KIF16B: variants seen among roughly 807,000 people sequenced by gnomAD.
KIF16B encodes the protein kinesin-like protein KIF16B.
KIF16B carries 98 observed loss-of-function variants against 156.3 expected under a neutral mutation model. The observed-to-expected ratio is 0.63, with a 90% CI of 0.53 to 0.74. KIF16B has a LOEUF of 0.74. Among genes scored for constraint, KIF16B ranks in the 30% least tolerant of loss-of-function variants. The pLI is 0.00. For missense variants in KIF16B, 1,421 were observed against 1,606.5 expected (o/e 0.88, Z 1.97); for synonymous variants, 564 against 583.7 (o/e 0.97, Z 0.49).
intron 12 of KIF16B, among the ~76,000 whole-genome samples, chr20:16,468,836 A>C (rs1358259933): frequency 1.3e-5 from 2 of 152,180 alleles, no homozygotes; most frequent in Non-Finnish European, 2.9e-5. Flanking sequence ...ACTGTCAATT[A>C]AGGGAATCTG....
At chr20:16,567,824 C>A (rs1200312654) in intron 1 of KIF16B, among the ~76,000 whole-genome samples, 2 of 152,046 alleles carry the variant, frequency 1.3e-5, no homozygotes, top group Non-Finnish European at 2.9e-5. Flanking sequence ...TGGTGGCGGG[C>A]GCCTGTAGTC....
chr20:16,562,819 T>C (rs2071114966), intron 1 of KIF16B, among the ~76,000 whole-genome samples: 2 of 152,230 alleles, frequency 1.3e-5, no homozygotes, highest in South Asian at 2.1e-4. Flanking sequence ...AAGACGGGCA[T>C]ATGAGACAGA....
At chr20:16,444,772 T>C (rs2066889018) in intron 12 of KIF16B, among the ~76,000 whole-genome samples, 1 of 152,246 alleles carries the variant, frequency 6.6e-6, no homozygotes, top group African/African-American at 2.4e-5. Context: ...CATTCATTAG[T>C]TATTGCCAAC....
chr20:16,345,881 C>T (rs1298729007), intron 23 of KIF16B, among the ~76,000 whole-genome samples: 1 of 152,220 alleles, frequency 6.6e-6, no homozygotes, highest in Non-Finnish European at 1.5e-5. Flanking sequence ...AAGTTATTTG[C>T]TCTGAGATGT....
intron 17 of KIF16B, among the ~76,000 whole-genome samples, chr20:16,399,082 C>A (rs1324403383): frequency 6.6e-6 from 1 of 152,136 alleles, no homozygotes; most frequent in African/African-American, 2.4e-5. Flanking sequence ...GAGGTGCCAT[C>A]AATGCTTTTG....
intron 11 of KIF16B, among the ~76,000 whole-genome samples, chr20:16,494,844 T>G (rs1029764226): frequency 6.6e-6 from 1 of 152,202 alleles, no homozygotes; most frequent in African/African-American, 2.4e-5. Context: ...TATCTTTTTT[T>G]GTTGTTGATA....
chr20:16,305,192 G>A (rs2063524123), intron 25 of KIF16B, among the ~76,000 whole-genome samples: 1 of 151,942 alleles, frequency 6.6e-6, no homozygotes, highest in South Asian at 2.1e-4. Flanking sequence ...CAGCTAAGCT[G>A]TATTGTTCTC....
intron 12 of KIF16B, among the ~76,000 whole-genome samples, chr20:16,486,014 TATC>T (rs1247538591): frequency 6.6e-6 from 1 of 152,170 alleles, no homozygotes; most frequent in Non-Finnish European, 1.5e-5. Flanking sequence ...AAGCTTCAAA[TATC>T]AGAGATTCTG....
At position 16,379,939 on chromosome 20, in the gene KIF16B, T is replaced by C; in HGVS notation, c.2063A>G (p.Gln688Arg). Residue 688 changes from glutamine (Q) to arginine (R), a missense_variant, in exon 19 of 26, where the codon CAG becomes CGG. Coordinates refer to ENST00000354981, the MANE Select transcript of KIF16B (RefSeq NM_024704.5). ...TCTCTTCTTCTGCAGCTCGATTTCC[T>C]GCTGTTCCCTCAGCCTCTCCTCTTC... The part of the protein sequence containing the change: ...KFEEERLREQ[Q>R]EIELQKKRQE... 1.2e-6 allele frequency: 2 copies of C among 1,614,198 alleles called. No homozygotes were observed. Among genetic ancestry groups the C allele is most frequent in the South Asian group, 2.2e-5 (2 of 91,068 alleles).
chr20:16,302,163 T>C (rs958632801), intron 25 of KIF16B, among the ~76,000 whole-genome samples: 5 of 152,348 alleles, frequency 3.3e-5, no homozygotes, highest in Admixed American at 6.5e-5. Flanking sequence ...TTATGAATCA[T>C]GTCACTGGTG....
intron 6 of KIF16B, among the ~76,000 whole-genome samples, chr20:16,510,062 T>TA (rs2068908652): frequency 6.6e-6 from 1 of 152,228 alleles, no homozygotes; most frequent in South Asian, 2.1e-4. Flanking sequence ...CACAGCTTAA[T>TA]AATCCCTCTA....
At chr20:16,440,531 G>A (rs188607674) in intron 12 of KIF16B, among the ~76,000 whole-genome samples, 5 of 79,440 alleles carry the variant, frequency 6.3e-5, no homozygotes, top group Non-Finnish European at 1.2e-4. Flanking sequence ...ACACAAGCGC[G>A]CGCACACACA....
chr20:16,426,364 A>G (rs1177442433), intron 15 of KIF16B, among the ~76,000 whole-genome samples: 1 of 152,182 alleles, frequency 6.6e-6, no homozygotes, highest in Non-Finnish European at 1.5e-5. Flanking sequence ...CAAAACTGCC[A>G]AAGTCATAAA....
intron 1 of KIF16B, among the ~76,000 whole-genome samples, chr20:16,548,441 C>T (rs1220124599): frequency 2.0e-5 from 3 of 152,186 alleles, no homozygotes; most frequent in Non-Finnish European, 2.9e-5. Flanking sequence ...AGTAAGGAAC[C>T]GGGCCACACA....
chr20:16,308,382 A>G (rs1320291978), intron 25 of KIF16B, among the ~76,000 whole-genome samples: 1 of 152,234 alleles, frequency 6.6e-6, no homozygotes, highest in Non-Finnish European at 1.5e-5. Context: ...AAATAATTAG[A>G]CAGTGGATCT....
chr20:16,298,375 C>A (rs1284089586), intron 25 of KIF16B, among the ~76,000 whole-genome samples: 2 of 152,176 alleles, frequency 1.3e-5, no homozygotes, highest in Non-Finnish European at 2.9e-5. Context: ...GCAAGCTATA[C>A]GACTGACTGC....
At chr20:16,526,403 T>G (rs1016763336) in intron 2 of KIF16B, among the ~76,000 whole-genome samples, 198 bp from the exon 3 acceptor site, 1 of 152,212 alleles carries the variant, frequency 6.6e-6, no homozygotes, top group African/African-American at 2.4e-5. Context: ...AGAATACTAT[T>G]CTGACCTTTT....
chr20:16,374,781 A>G (rs1156888099), intron 19 of KIF16B, among the ~76,000 whole-genome samples: 1 of 152,228 alleles, frequency 6.6e-6, no homozygotes, highest in African/African-American at 2.4e-5. Flanking sequence ...GTAAATACTT[A>G]CGTTTGATGA....
intron 12 of KIF16B, among the ~76,000 whole-genome samples, chr20:16,448,056 T>C (rs2066982431): frequency 6.6e-6 from 1 of 152,174 alleles, no homozygotes; most frequent in African/African-American, 2.4e-5. Context: ...CCACTGCCAA[T>C]TGTTGGCAGA....
Sources: allele counts gnomAD v4.1 joint callset (sites outside exome capture counted in the v4.1 genomes callset), GRCh38; gene constraint gnomAD v4.1.1; transcripts MANE v1.5; gene names NCBI Gene and HGNC (gene_info 2026-07-23, HGNC 2026-07-21).